The following NLGN1 variants were observed in gnomAD, a reference collection of about 807,000 sequenced individuals.
NLGN1 encodes the protein neuroligin-1.
Under a neutral mutation model 65.5 loss-of-function variants are expected in NLGN1, and 12 were observed. That is an observed-to-expected ratio of 0.18 (90% CI 0.12 to 0.30). NLGN1 has a LOEUF of 0.30. NLGN1 is among the 10% of genes least tolerant of loss of function. The pLI is 1.00. For synonymous variants in NLGN1, 350 were observed against 359.5 expected (o/e 0.97, Z 0.30); for missense variants, 750 against 1,007.1 (o/e 0.74, Z 3.46).
intron 3 of NLGN1, among the ~76,000 whole-genome samples, chr3:173,721,425 A>G (rs1439678479): frequency 1.3e-5 from 2 of 152,218 alleles, no homozygotes; most frequent in African/African-American, 4.8e-5. Context: ...AGTAAACGCT[A>G]TAGATTTTGT....
chr3:173,524,620 G>A (rs1220000460), intron 2 of NLGN1, among the ~76,000 whole-genome samples: 1 of 152,158 alleles, frequency 6.6e-6, no homozygotes, highest in African/African-American at 2.4e-5. Flanking sequence ...AGTGGTGAGA[G>A]TGAATATTCT....
intron 4 of NLGN1, among the ~76,000 whole-genome samples, chr3:173,846,184 T>C (rs775520552): frequency 1.3e-5 from 2 of 152,196 alleles, no homozygotes; most frequent in Admixed American, 1.3e-4. Flanking sequence ...AATATTAATA[T>C]AAATGAATGA....
intron 3 of NLGN1, among the ~76,000 whole-genome samples, chr3:173,780,825 A>C: frequency 6.6e-6 from 1 of 152,146 alleles, no homozygotes; most frequent in Non-Finnish European, 1.5e-5. Flanking sequence ...TGATGAAAAT[A>C]ATATATGTTC....
chr3:174,255,208 G>T (rs1243759823), intron 4 of NLGN1, among the ~76,000 whole-genome samples: 1 of 152,034 alleles, frequency 6.6e-6, no homozygotes, highest in Non-Finnish European at 1.5e-5. Flanking sequence ...GGCCGAGGTG[G>T]GCGGACCACA....
chr3:173,539,657 G>GTA (rs1362050556), intron 2 of NLGN1, among the ~76,000 whole-genome samples: 1 of 124,274 alleles, frequency 8.0e-6, no homozygotes, highest in Non-Finnish European at 1.6e-5. Context: ...TATAACATAT[G>GTA]TGTATATATG....
chr3:174,289,549 ACTTT>A (rs1277684688), downstream of NLGN1, among the ~76,000 whole-genome samples: 8 of 151,182 alleles, frequency 5.3e-5, no homozygotes, highest in African/African-American at 1.7e-4. Flanking sequence ...ATTACTCTAA[ACTTT>A]CTATTTGGGA....
At chr3:174,268,313 T>G (rs1268160489) in intron 4 of NLGN1, among the ~76,000 whole-genome samples, 1 of 152,150 alleles carries the variant, frequency 6.6e-6, no homozygotes, top group Non-Finnish European at 1.5e-5. Flanking sequence ...GTTGTCCAGA[T>G]GCATATAGAC....
chr3:174,102,680 C>CT (rs1363333645), intron 4 of NLGN1, among the ~76,000 whole-genome samples: 1 of 152,142 alleles, frequency 6.6e-6, no homozygotes, highest in African/African-American at 2.4e-5. Flanking sequence ...TGGCTGTTGA[C>CT]TGGTTGATTG....
chr3:173,692,971 G>A (rs995228182), intron 3 of NLGN1, among the ~76,000 whole-genome samples: 4 of 152,180 alleles, frequency 2.6e-5, no homozygotes, highest in African/African-American at 9.6e-5. Context: ...CCAGTGAGAC[G>A]TTTCAATCAT....
At chr3:173,813,881 T>C (rs2150490004) in intron 4 of NLGN1, among the ~76,000 whole-genome samples, 1 of 152,374 alleles carries the variant, frequency 6.6e-6, no homozygotes, top group Middle Eastern at 3.4e-3. Context: ...TTGTATTTCT[T>C]CTATTTGAAA....
chr3:174,272,370 C>T (rs957524238), intron 4 of NLGN1, among the ~76,000 whole-genome samples: 14 of 151,714 alleles, frequency 9.2e-5, no homozygotes, highest in African/African-American at 3.4e-4. Flanking sequence ...CAATGTACAT[C>T]ACTTGAGTAA....
chr3:173,578,080 C>T (rs373827608), intron 2 of NLGN1, among the ~76,000 whole-genome samples: 1 of 151,876 alleles, frequency 6.6e-6, no homozygotes, highest in Non-Finnish European at 1.5e-5. Flanking sequence ...GCTAAAAATA[C>T]AAAAAATTAG....
At chr3:174,197,797 T>C (rs1733754156) in intron 4 of NLGN1, among the ~76,000 whole-genome samples, 1 of 137,270 alleles carries the variant, frequency 7.3e-6, no homozygotes, top group Non-Finnish European at 1.6e-5. Flanking sequence ...AGTTAATCTG[T>C]CCTAAAAACT....
intron 4 of NLGN1, among the ~76,000 whole-genome samples, chr3:174,022,056 T>A (rs1248088141): frequency 6.6e-6 from 1 of 152,186 alleles, no homozygotes; most frequent in African/African-American, 2.4e-5. Flanking sequence ...GTTCTGCCGA[T>A]GACCTGTAGT....
intron 4 of NLGN1, among the ~76,000 whole-genome samples, chr3:174,242,775 A>G (rs755375880): frequency 6.6e-6 from 1 of 152,182 alleles, no homozygotes; most frequent in Non-Finnish European, 1.5e-5. Context: ...AATAAATGCA[A>G]TGCACTTGAA....
chr3:173,768,962 G>A (rs113898683), intron 3 of NLGN1, among the ~76,000 whole-genome samples: 1 of 151,982 alleles, frequency 6.6e-6, no homozygotes, highest in Non-Finnish European at 1.5e-5. Flanking sequence ...TAGAGGCAGG[G>A]TTTCGCCATG....
At chr3:173,570,426 A>G (rs1385535506) in intron 2 of NLGN1, among the ~76,000 whole-genome samples, 1 of 152,310 alleles carries the variant, frequency 6.6e-6, no homozygotes, top group South Asian at 2.1e-4. Context: ...GCTATTCACA[A>G]CCATGTGATC....
intron 3 of NLGN1, among the ~76,000 whole-genome samples, chr3:173,696,526 T>C (rs1766245792): frequency 1.3e-5 from 2 of 152,320 alleles, no homozygotes; most frequent in African/African-American, 4.8e-5. Flanking sequence ...TGTGGCCCAA[T>C]AATGAAATCA....
intron 2 of NLGN1, among the ~76,000 whole-genome samples, chr3:173,483,379 A>C (rs2148976160): frequency 6.6e-6 from 1 of 152,132 alleles, no homozygotes; most frequent in East Asian, 1.9e-4. Context: ...TGAAGGTCAA[A>C]GCAGTATGAT....
Sources: gnomAD v4.1 joint callset for allele counts (sites outside exome capture counted in the v4.1 genomes callset) on GRCh38, gnomAD v4.1.1 for gene constraint, MANE v1.5 for transcripts, NCBI Gene and HGNC (gene_info 2026-07-23, HGNC 2026-07-21) for gene names.